The following PCNT variants were observed in gnomAD, a reference collection of about 807,000 sequenced individuals.
PCNT encodes pericentrin.
Under a neutral mutation model 380.4 loss-of-function variants are expected in PCNT, and 319 were observed. That is an observed-to-expected ratio of 0.84 (90% CI 0.77 to 0.92). The LOEUF is 0.92. Ranked by LOEUF, PCNT falls within the 40% of genes least tolerant of loss-of-function variation. The pLI, the probability that PCNT is intolerant of heterozygous loss-of-function variation, is 0.00. For missense variants in PCNT, 4,400 were observed against 4,255.3 expected, an observed-to-expected ratio of 1.03 and a Z score of -0.95; for synonymous variants, 1,845 against 1,735.2, an observed-to-expected ratio of 1.06 and a Z score of -1.57.
rs1601803725 is a variant in PCNT, at chr21:46,349,786, A to C, written c.1310A>C (p.Lys437Thr). 1 of 1,614,198 alleles carries C rather than the reference A, an allele frequency of 6.2e-7. No homozygotes were observed. Among genetic ancestry groups the C allele is most frequent in the South Asian group, 1.1e-5 (1 of 91,082 alleles). ...HGRCLEDLEF[K>T]FKESEKEKQL... ...CGGTGTTTAGAAGACTTGGAGTTCA[A>C]GTTCAAAGAGAGCGAGAAAGAAAAA... is the stretch of plus-strand genomic sequence containing the variant. The change falls in exon 8 of 47, where the codon AAG becomes ACG. Residue 437 changes from lysine (K) to threonine (T), a missense_variant. Physicochemically the swap from Lys to Thr is moderately conservative, Grantham distance 78 (BLOSUM62 -1). Coordinates refer to ENST00000359568, the MANE Select transcript of PCNT (RefSeq NM_006031.6).
intron 29 of PCNT, among the ~76,000 whole-genome samples, chr21:46,413,563 G>A (rs1301845007): frequency 1.3e-5 from 2 of 152,250 alleles, no homozygotes; most frequent in Admixed American, 6.5e-5. Flanking sequence ...CCACTCTGTA[G>A]AAACAATCAG....
At chr21:46,444,660 TTTTTC>T (rs1204565140) in intron 45 of PCNT, 29 bp from the exon 46 acceptor site, 1 of 1,603,168 alleles carries the variant, frequency 6.2e-7, no homozygotes. Flanking sequence ...TTTTTTTTTT[TTTTTC>T]TTCTCTTGGT....
In PCNT at chr21:46,363,837, C is replaced by A. The variant is rs2084802686; in HGVS notation, c.2512C>A (p.Gln838Lys). Residue 838 changes from glutamine (Q) to lysine (K), a missense_variant, in exon 14 of 47, where the codon CAG (glutamine) becomes AAG (lysine). Transcript: ENST00000359568. ...TTCAGACGACGCCCTGCATTGCAGCCAGTGTGGGCGGGAGCCGCCCACAGC... is the reference window on the plus strand; with the variant it reads ...TTCAGACGACGCCCTGCATTGCAGCAAGTGTGGGCGGGAGCCGCCCACAGC... The part of the protein sequence containing the change: ...LTSDDALHCS[Q>K]CGREPPTAQD... The A allele has an allele frequency of 3.1e-6, 5 of 1,612,088 alleles. No homozygotes were observed. The highest frequency in any genetic ancestry group is 1.7e-4 in the Middle Eastern group (1 of 6,056).
intron 25 of PCNT, 129 bp downstream of exon 25, chr21:46,399,925 C>T (rs1169658704): frequency 4.9e-6 from 4 of 810,970 alleles, no homozygotes; most frequent in Non-Finnish European, 8.8e-6. Context: ...GCACCAGAAA[C>T]ACTGGCGTCA....
At chr21:46,443,097 G>A in intron 44 of PCNT, 1 of 181,392 alleles carries the variant, frequency 5.5e-6, no homozygotes. Flanking sequence ...CCCCTCCCAC[G>A]CAGCACAGAG....
At chr21:46,398,313 C>T in intron 24 of PCNT, 58 bp downstream of exon 24, 3 of 1,510,248 alleles carry the variant, frequency 2.0e-6, no homozygotes, top group Non-Finnish European at 2.7e-6. Flanking sequence ...CTCCCCTGCG[C>T]TCGCTGGGAC....
intron 16 of PCNT, among the ~76,000 whole-genome samples, chr21:46,382,513 G>A (rs1328337773): frequency 2.1e-5 from 3 of 145,676 alleles, no homozygotes; most frequent in African/African-American, 7.5e-5. Context: ...GCATTCAGTG[G>A]CAGAAGCTCA....
intron 2 of PCNT, among the ~76,000 whole-genome samples, chr21:46,333,131 C>T (rs2083609475): frequency 6.6e-6 from 1 of 151,118 alleles, no homozygotes; most frequent in East Asian, 2.0e-4. Context: ...AATTAAATTT[C>T]TTTTTTAAAG....
intron 19 of PCNT, 59 bp downstream of exon 19, chr21:46,389,490 C>T: frequency 6.5e-6 from 9 of 1,385,056 alleles, no homozygotes; most frequent in South Asian, 2.4e-5. Context: ...GCTGATGATG[C>T]CACACGAGCC....
intron 17 of PCNT, among the ~76,000 whole-genome samples, chr21:46,386,565 C>T (rs757078427): frequency 1.3e-5 from 2 of 152,246 alleles, no homozygotes; most frequent in African/African-American, 4.8e-5. Flanking sequence ...CTGCTTACCA[C>T]GGGCCGTGGG....
chr21:46,392,777 T>G (rs1016138757), intron 21 of PCNT, among the ~76,000 whole-genome samples: 1 of 152,230 alleles, frequency 6.6e-6, no homozygotes, highest in Non-Finnish European at 1.5e-5. Context: ...GTCCTCTCCT[T>G]TTCTTGGTTC....
intron 15 of PCNT, among the ~76,000 whole-genome samples, chr21:46,379,770 G>T (rs1569224189): frequency 6.6e-6 from 1 of 152,168 alleles, no homozygotes; most frequent in Non-Finnish European, 1.5e-5. Flanking sequence ...TTCAGCTCCA[G>T]ATGTCAAGGG....
At chr21:46,406,324 T>C (rs2086622117) in intron 27 of PCNT, among the ~76,000 whole-genome samples, 1 of 152,256 alleles carries the variant, frequency 6.6e-6, no homozygotes, top group African/African-American at 2.4e-5. Flanking sequence ...TTCTCCCTTA[T>C]TCTACAGGTT....
intron 27 of PCNT, among the ~76,000 whole-genome samples, chr21:46,408,786 C>T (rs1445776195): frequency 6.9e-6 from 1 of 145,528 alleles, no homozygotes; most frequent in Non-Finnish European, 1.5e-5. Context: ...GCAGCGGGAA[C>T]GTGTCAGCTC....
rs533397897 is a variant in PCNT at position 46,358,345 on chromosome 21, C to T, written c.2154+1154C>T. On this transcript the variant is annotated intron_variant, in intron 13 of 46. Transcript: ENST00000359568. ...TTTGCTCCTCCCTGTGAATGTCTCC[C>T]TGAGAATGATTTTCATTCTCCATCA... Among the ~76,000 whole-genome samples, 12 of 152,366 alleles carry T rather than the reference C, an allele frequency of 7.9e-5. No individual in the cohort carries two copies. The South Asian group carries it at 2.5e-3, about 32-fold the overall frequency.
chr21:46,331,028 TTGTGTGTGTGTGAGAGTGTGTGTA>T (rs1291798422), intron 2 of PCNT, among the ~76,000 whole-genome samples: 2 of 151,352 alleles, frequency 1.3e-5, no homozygotes, highest in Non-Finnish European at 3.0e-5. Context: ...GTGTGTGTGT[TTGTGTGTGTGTGAGAGTGTGTGTA>T]TGTGTGTGTG....
At chr21:46,390,648 AT>A (rs1569241113) in intron 19 of PCNT, 21 bp from the exon 20 acceptor site, 1 of 1,613,236 alleles carries the variant, frequency 6.2e-7, no homozygotes, top group South Asian at 1.1e-5. Flanking sequence ...TGGAGTTTTG[AT>A]TTGCAAATGT....
chr21:46,426,817 A>G (rs1818509845), intron 33 of PCNT, among the ~76,000 whole-genome samples: 1 of 151,824 alleles, frequency 6.6e-6, no homozygotes, highest in Non-Finnish European at 1.5e-5. Flanking sequence ...GCTCCCTCCC[A>G]TCTCCGTGCC....
intron 2 of PCNT, among the ~76,000 whole-genome samples, 190 bp from the exon 3 acceptor site, chr21:46,334,204 CAAA>C (rs35021942): frequency 4.1e-5 from 4 of 97,072 alleles, no homozygotes; most frequent in African/African-American, 6.3e-5. Context: ...GACTCCGTCT[CAAA>C]AAAAAAAAAA....
Sources: allele counts gnomAD v4.1 joint callset (sites outside exome capture counted in the v4.1 genomes callset), GRCh38; gene constraint gnomAD v4.1.1; transcripts MANE v1.5; gene names NCBI Gene and HGNC (gene_info 2026-07-23, HGNC 2026-07-21).